Variants in GRIN2A observed in about 807,000 individuals in gnomAD.
GRIN2A encodes glutamate ionotropic receptor NMDA type subunit 2A, also known as glutamate receptor ionotropic, NMDA 2A.
In GRIN2A, 22 loss-of-function variants were observed where a neutral mutation model predicts 113.4. The observed-to-expected ratio is 0.19, with a 90% CI of 0.14 to 0.28. The LOEUF (loss-of-function observed/expected upper bound fraction) is 0.28, where lower values mean the gene tolerates loss of function less well. GRIN2A is among the 10% of genes least tolerant of loss of function. GRIN2A has a pLI of 1.00. For synonymous variants in GRIN2A, 827 were observed against 738.4 expected (o/e 1.12, Z -1.94); for missense variants, 1,502 against 1,887.0 (o/e 0.80, Z 3.78).
intron 10 of GRIN2A, 71 bp from the exon 11 acceptor site, chr16:9,798,535 T>C (rs964214755): frequency 1.7e-6 from 2 of 1,163,128 alleles, no homozygotes; most frequent in Non-Finnish European, 2.6e-6. Flanking sequence ...TCCTGAGGCC[T>C]GATCCTGAAA....
chr16:9,956,916 G>C (rs151200186), intron 2 of GRIN2A, among the ~76,000 whole-genome samples: 212 of 152,194 alleles, frequency 1.4e-3, no homozygotes, highest in Non-Finnish European at 1.1e-3. Context: ...ATAGCCATTG[G>C]GGTGAGGGTG....
intron 2 of GRIN2A, among the ~76,000 whole-genome samples, chr16:10,005,229 T>C (rs7203512): frequency 0.092 from 13,933 of 152,232 alleles, 723 homozygotes; most frequent in Non-Finnish European, 0.11. Context: ...TAAATAACTA[T>C]TGATATAAAA....
At chr16:10,095,997 A>G (rs1170015157) in intron 2 of GRIN2A, among the ~76,000 whole-genome samples, 1 of 152,174 alleles carries the variant, frequency 6.6e-6, no homozygotes, top group Non-Finnish European at 1.5e-5. Flanking sequence ...TCTACTCATG[A>G]CACAAGTTTA....
At chr16:9,953,592 G>A (rs1244667239) in intron 2 of GRIN2A, among the ~76,000 whole-genome samples, 3 of 152,120 alleles carry the variant, frequency 2.0e-5, no homozygotes, top group Non-Finnish European at 4.4e-5. Context: ...TCTGCTGGGG[G>A]CGGTAGTTGT....
rs961089722 is a variant in GRIN2A at position 10,124,009 on chromosome 16, T to A, written c.414+55989A>T. Among the ~76,000 whole-genome samples the A allele has an allele frequency of 1.2e-4, 18 of 152,286 alleles. No homozygotes were observed. The East Asian group carries it at 2.3e-3, about 20-fold the overall frequency. On this transcript the variant is annotated intron_variant, in intron 2 of 12. Transcript: ENST00000330684. ...GTGTAATCATCCCTCACAGAGCCCT[T>A]GTTCCCACCTTCTTTCCAGGCAGTA... is the stretch of plus-strand genomic sequence containing the variant.
At chr16:10,054,494 G>A (rs2047412037) in intron 2 of GRIN2A, among the ~76,000 whole-genome samples, 1 of 152,144 alleles carries the variant, frequency 6.6e-6, no homozygotes, top group African/African-American at 2.4e-5. Context: ...GGCAATCTCT[G>A]GTGATGTTGA....
intron 3 of GRIN2A, among the ~76,000 whole-genome samples, chr16:9,908,304 A>G (rs1326680966): frequency 6.6e-6 from 1 of 152,164 alleles, no homozygotes; most frequent in Non-Finnish European, 1.5e-5. Context: ...GTGGGAGAAG[A>G]GAATGATGTG....
chr16:10,096,116 A>G (rs1045100539), intron 2 of GRIN2A, among the ~76,000 whole-genome samples: 1 of 152,182 alleles, frequency 6.6e-6, no homozygotes. Context: ...GCCCCACCCC[A>G]GACTAATAAA....
At chr16:10,032,046 C>A (rs148623503) in intron 2 of GRIN2A, among the ~76,000 whole-genome samples, 1 of 152,362 alleles carries the variant, frequency 6.6e-6, no homozygotes, top group African/African-American at 2.4e-5. Flanking sequence ...GTACTTATTA[C>A]AGCGCATCGT....
At position 10,182,198 on chromosome 16, in the gene GRIN2A, G is replaced by C. The variant is rs1214455574; in HGVS notation, c.-340C>G. 1 of 153,084 alleles carries C rather than the reference G, an allele frequency of 6.5e-6. No individual in the cohort carries two copies. The highest frequency in any genetic ancestry group is 1.5e-5 in the Non-Finnish European group (1 of 68,752). The allele number at this position is 153,084 out of a possible 1,614,324, so 9.5% of individuals were successfully genotyped here. A position where few individuals can be genotyped will look rare whatever the true frequency, so the allele number is the denominator to read the frequency against. On this transcript the variant is annotated 5_prime_UTR_variant, in exon 1 of 13. Coordinates refer to ENST00000330684, the MANE Select transcript of GRIN2A (RefSeq NM_001134407.3). ...CGCCCAGGGGGGCTAGACAAGAGGG[G>C]GGAAGCTGAAGCCCGATGCCCACGA...
chr16:9,894,003 G>A (rs942374388), intron 3 of GRIN2A, among the ~76,000 whole-genome samples: 1 of 152,160 alleles, frequency 6.6e-6, no homozygotes, highest in African/African-American at 2.4e-5. Flanking sequence ...CTGATGGAGA[G>A]TAAATGTAAG....
intron 3 of GRIN2A, among the ~76,000 whole-genome samples, chr16:9,916,363 A>G (rs1033032772): frequency 2.0e-5 from 3 of 152,164 alleles, no homozygotes; most frequent in Admixed American, 6.5e-5. Flanking sequence ...ACATCACCCA[A>G]CTTCTCAAGA....
rs199975988 is a variant in GRIN2A, at chr16:9,764,026, T to C, written c.3518A>G (p.His1173Arg). ...STLPMNRNPL[H>R]NEEGLSNNDQ... ...GTTGTTGGAAAGCCCCTCTTCATTA[T>C]GCAAGGGGTTCCGGTTCATTGGCAG... The change falls in exon 13 of 13, where the codon CAT (histidine) becomes CGT (arginine). Residue 1173 changes from histidine to arginine, a missense_variant. Around this residue, in one of 7 missense-constraint regions of GRIN2A, gnomAD observed 832 missense variants for 789.7 expected, o/e 1.05. Coordinates refer to ENST00000330684, the MANE Select transcript of GRIN2A (RefSeq NM_001134407.3). 1.1e-5 allele frequency: 18 copies of C among 1,614,142 alleles called. No homozygotes were observed. Among genetic ancestry groups the C allele is most frequent in the Non-Finnish European group, 1.5e-5 (18 of 1,179,988 alleles).
At chr16:10,068,924 G>A (rs769346186) in intron 2 of GRIN2A, among the ~76,000 whole-genome samples, 2 of 152,138 alleles carry the variant, frequency 1.3e-5, no homozygotes, top group African/African-American at 4.8e-5. Flanking sequence ...AAAGAAAACA[G>A]GGTATGTTCA....
chr16:9,828,217 C>A (rs963434742), intron 9 of GRIN2A, among the ~76,000 whole-genome samples: 1 of 152,138 alleles, frequency 6.6e-6, no homozygotes, highest in Non-Finnish European at 1.5e-5. Context: ...AGGAAGGAAA[C>A]GTGGGAGCAG....
intron 9 of GRIN2A, 120 bp downstream of exon 9, chr16:9,829,303 T>G: frequency 2.9e-6 from 2 of 685,968 alleles, no homozygotes; most frequent in Non-Finnish European, 5.2e-6. Context: ...AGAAAAAACC[T>G]TCTGGCTTTT....
intron 2 of GRIN2A, among the ~76,000 whole-genome samples, chr16:10,070,563 A>G (rs981045547): frequency 6.6e-6 from 1 of 152,128 alleles, no homozygotes. Flanking sequence ...TTGTTCTTAA[A>G]CTTCAAGGGC....
intron 2 of GRIN2A, among the ~76,000 whole-genome samples, chr16:10,123,575 G>A (rs1385325326): frequency 2.0e-5 from 3 of 152,142 alleles, no homozygotes; most frequent in Non-Finnish European, 4.4e-5. Flanking sequence ...TTCTGGGGCA[G>A]TTCTTCTCAA....
intron 2 of GRIN2A, among the ~76,000 whole-genome samples, chr16:10,168,835 G>A: frequency 6.6e-6 from 1 of 151,986 alleles, no homozygotes; most frequent in Admixed American, 6.6e-5. Flanking sequence ...GGTGGTGGCA[G>A]GTGCCTGTAA....
Sources: allele counts gnomAD v4.1 joint callset (sites outside exome capture counted in the v4.1 genomes callset), GRCh38; gene constraint gnomAD v4.1.1; regional missense constraint gnomAD v4.1.1; transcripts MANE v1.5; gene names NCBI Gene and HGNC (gene_info 2026-07-23, HGNC 2026-07-21).